DNAAF1: variants seen among roughly 807,000 people sequenced by gnomAD.
The protein encoded by DNAAF1 is dynein axonemal assembly factor 1.
A neutral mutation model predicts 71.1 loss-of-function variants in DNAAF1; 65 were observed. The observed-to-expected ratio is 0.91, with a 90% CI of 0.75 to 1.12. The LOEUF (loss-of-function observed/expected upper bound fraction) is 1.12. DNAAF1 is among the 50% of genes most tolerant of loss of function. The pLI is 0.00. For synonymous variants in DNAAF1, 414 were observed against 354.6 expected (o/e 1.17, Z -1.88); for missense variants, 1,178 against 899.8 (o/e 1.31, Z -3.96).
At chr16:84,150,170 G>A (rs1309176566) in intron 2 of DNAAF1, 81 bp from the exon 3 acceptor site, 3 of 1,060,270 alleles carry the variant, frequency 2.8e-6, no homozygotes, top group African/African-American at 1.6e-5. Context: ...GGGCAGGAAT[G>A]GATGTGGTAA....
At chr16:84,173,415 G>A in intron 9 of DNAAF1, 1 of 867,084 alleles carries the variant, frequency 1.2e-6, no homozygotes. Flanking sequence ...AGTGAGCCGA[G>A]ATCACGCCAC....
rs1195836716 is a variant in DNAAF1, at chr16:84,165,809, G to C, written c.890G>C (p.Gly297Ala). The change falls in exon 7 of 12, where the codon GGA becomes GCA. Residue 297 changes from glycine to alanine, a missense_variant. Physicochemically the swap from Gly to Ala is moderately conservative, Grantham distance 60 (BLOSUM62 0). Coordinates refer to ENST00000378553, the MANE Select transcript of DNAAF1 (RefSeq NM_178452.6). ...GCTTGTGCGGAGGCCTGGGCTAGGG[G>C]AGGGTACGCAGCTGAAAAGGAGGAG... ...DRACAEAWAR[G>A]GYAAEKEERQ... 6.2e-7 allele frequency: 1 copy of C among 1,613,776 alleles called. No individual in the cohort carries two copies. The highest frequency in any genetic ancestry group is 8.5e-7 in the Non-Finnish European group (1 of 1,179,980).
At chr16:84,172,154 G>C in intron 8 of DNAAF1, 106 bp from the exon 9 acceptor site, 2 of 1,055,396 alleles carry the variant, frequency 1.9e-6, no homozygotes, top group South Asian at 2.7e-5. Context: ...TGGGATTACA[G>C]GCATGAGCCA....
intron 6 of DNAAF1, among the ~76,000 whole-genome samples, chr16:84,160,748 C>G (rs1310605441): frequency 6.6e-6 from 1 of 151,542 alleles, no homozygotes; most frequent in Non-Finnish European, 1.5e-5. Flanking sequence ...CCCTGGCTAA[C>G]ACGGTGAAAC....
intron 7 of DNAAF1, among the ~76,000 whole-genome samples, chr16:84,169,290 T>G (rs1407467699): frequency 6.6e-6 from 1 of 151,798 alleles, no homozygotes; most frequent in Admixed American, 6.6e-5. Context: ...TTCACCATGT[T>G]TGTCAGGCTG....
intron 4 of DNAAF1, among the ~76,000 whole-genome samples, 162 bp from the exon 5 acceptor site, chr16:84,155,421 G>A (rs549551707): frequency 6.6e-6 from 1 of 152,158 alleles, no homozygotes; most frequent in African/African-American, 2.4e-5. Flanking sequence ...TGGATATGGG[G>A]TCTCACTGTG....
At chr16:84,176,387 C>T in intron 11 of DNAAF1, 88 bp downstream of exon 11, 1 of 1,590,566 alleles carries the variant, frequency 6.3e-7, no homozygotes, top group Non-Finnish European at 8.6e-7. Context: ...TCAGCCTTAC[C>T]CTGAGCTTTC....
At chr16:84,160,314 G>T (rs573808571) in intron 6 of DNAAF1, among the ~76,000 whole-genome samples, 116 of 152,242 alleles carry the variant, frequency 7.6e-4, no homozygotes, top group African/African-American at 2.7e-3. Flanking sequence ...TGAATATTCT[G>T]TCAGTGACTT....
rs60530305 is a variant in DNAAF1 at position 84,172,085 on chromosome 16, G to A, written c.1529-175G>A. 0.28 allele frequency among the ~76,000 whole-genome samples: 42,175 copies of A among 151,938 alleles called. 6,698 individuals carry two copies. The highest frequency in any genetic ancestry group is 0.4 in the East Asian group (2,067 of 5,150). On this transcript the variant is annotated intron_variant, in intron 8 of 11. Coordinates refer to ENST00000378553, the MANE Select transcript of DNAAF1 (RefSeq NM_178452.6). ...TAGACACGGGGGTTTCACTGTGTTG[G>A]CCAGGCTGGACTCAAACTTCTGACC...
intron 7 of DNAAF1, among the ~76,000 whole-genome samples, chr16:84,169,077 CTTTTT>C (rs567267370): frequency 1.4e-5 from 1 of 71,186 alleles, no homozygotes; most frequent in African/African-American, 5.8e-5. Context: ...CTCAAGGATA[CTTTTT>C]TTTTTTTTTT....
At chr16:84,175,527 C>T (rs2088606392) in intron 10 of DNAAF1, 1 of 264,124 alleles carries the variant, frequency 3.8e-6, no homozygotes, top group African/African-American at 2.3e-5. Flanking sequence ...CAGCCATCAT[C>T]TCTGAGCACG....
intron 8 of DNAAF1, 23 bp downstream of exon 8, chr16:84,170,379 C>G (rs763089204): frequency 6.2e-7 from 1 of 1,613,318 alleles, no homozygotes; most frequent in Non-Finnish European, 8.5e-7. Flanking sequence ...GAGAAACACA[C>G]ACAGACACAC....
chr16:84,148,596 C>CTCTCTTTTTTTTTTTT, intron 1 of DNAAF1, among the ~76,000 whole-genome samples: 5 of 43,572 alleles, frequency 1.1e-4, no homozygotes, highest in African/African-American at 3.7e-4. Flanking sequence ...CTCTCTCTCT[C>CTCTCTTTTTTTTTTTT]TTTTTTTTTT....
At chr16:84,147,320 C>T (rs1407608574) in intron 1 of DNAAF1, among the ~76,000 whole-genome samples, 2 of 152,176 alleles carry the variant, frequency 1.3e-5, no homozygotes, top group African/African-American at 4.8e-5. Flanking sequence ...AGTCCCCACA[C>T]GCACAGCCTT....
intron 6 of DNAAF1, among the ~76,000 whole-genome samples, chr16:84,162,486 C>T (rs943805991): frequency 3.3e-5 from 5 of 151,880 alleles, no homozygotes; most frequent in African/African-American, 1.2e-4. Context: ...AGTTGTGCAA[C>T]CATCACCACA....
chr16:84,157,534 C>T (rs1296260260), intron 5 of DNAAF1, among the ~76,000 whole-genome samples: 2 of 151,186 alleles, frequency 1.3e-5, no homozygotes, highest in African/African-American at 2.4e-5. Flanking sequence ...AAAAAAAATT[C>T]CCGTCCTTTG....
chr16:84,157,108 A>G (rs1161915582), intron 5 of DNAAF1, among the ~76,000 whole-genome samples: 1 of 151,658 alleles, frequency 6.6e-6, no homozygotes, highest in African/African-American at 2.4e-5. Context: ...AAACCTGGCA[A>G]CCTCTCATGG....
chr16:84,160,762 G>A (rs1224421114), intron 6 of DNAAF1, among the ~76,000 whole-genome samples: 1 of 151,436 alleles, frequency 6.6e-6, no homozygotes, highest in Non-Finnish European at 1.5e-5. Context: ...GTGAAACCGC[G>A]TCGCTACTAA....
At chr16:84,150,403 A>C (rs2087127940) in intron 3 of DNAAF1, 61 bp downstream of exon 3, 1 of 1,323,096 alleles carries the variant, frequency 7.6e-7, no homozygotes, top group East Asian at 2.3e-5. Flanking sequence ...TAGCGGTATA[A>C]AAAATTACTT....
Sources: allele counts gnomAD v4.1 joint callset (sites outside exome capture counted in the v4.1 genomes callset), GRCh38; gene constraint gnomAD v4.1.1; transcripts MANE v1.5; gene names NCBI Gene and HGNC (gene_info 2026-07-23, HGNC 2026-07-21).